Variants in NOTCH3 observed in about 807,000 individuals in gnomAD.
The protein encoded by NOTCH3 is notch receptor 3.
A neutral mutation model predicts 213.3 loss-of-function variants in NOTCH3; 86 were observed. The observed-to-expected ratio is 0.40, with a 90% CI of 0.34 to 0.48. NOTCH3 has a LOEUF of 0.48. NOTCH3 is among the 20% of genes least tolerant of loss of function. The pLI, the probability that NOTCH3 is intolerant of heterozygous loss-of-function variation, is 0.57. For missense variants in NOTCH3, 2,783 were observed against 3,272.6 expected (o/e 0.85, Z 3.65); for synonymous variants, 1,354 against 1,355.9 (o/e 1.00, Z 0.03).
intron 2 of NOTCH3, among the ~76,000 whole-genome samples, chr19:15,193,791 A>C (rs1191151212): frequency 2.1e-5 from 3 of 141,970 alleles, no homozygotes; most frequent in African/African-American, 7.7e-5. Flanking sequence ...AAAAAACAAA[A>C]AAAACAAACA....
intron 23 of NOTCH3, chr19:15,178,516 C>T: frequency 2.1e-6 from 1 of 471,784 alleles, no homozygotes; most frequent in Non-Finnish European, 3.9e-6. Flanking sequence ...TCCCGAGTAG[C>T]TGGGATTACA....
rs770689026 is a variant in NOTCH3, at chr19:15,187,039, T to C, written c.1841-51A>G. On this transcript the variant is annotated intron_variant, in intron 11 of 32. Coordinates refer to ENST00000263388, the MANE Select transcript of NOTCH3 (RefSeq NM_000435.3). ...GTGGCCACCACTGTGCCCCACTAGATGCACCATTCCCAAACCCTCTGTGCC... is the reference window on the plus strand; with the variant it reads ...GTGGCCACCACTGTGCCCCACTAGACGCACCATTCCCAAACCCTCTGTGCC... 8 of 1,606,770 alleles carry C rather than the reference T, an allele frequency of 5.0e-6. No homozygotes were observed. The African/African-American group carries it at 9.4e-5, about 19-fold the overall frequency.
At chr19:15,196,624 T>C (rs752697535) in intron 2 of NOTCH3, among the ~76,000 whole-genome samples, 2 of 152,182 alleles carry the variant, frequency 1.3e-5, no homozygotes, top group Non-Finnish European at 2.9e-5. Flanking sequence ...GAGCCAAGCA[T>C]TTCCTCATAA....
chr19:15,168,129 C>T (rs2046701313), intron 28 of NOTCH3, among the ~76,000 whole-genome samples: 1 of 152,064 alleles, frequency 6.6e-6, no homozygotes, highest in South Asian at 2.1e-4. Flanking sequence ...GGTTCAAGTT[C>T]CAACCCCACC....
rs1363008174 is a variant in NOTCH3, at chr19:15,181,088, C to T, written c.2867G>A (p.Gly956Glu). The change falls in exon 18 of 33, where the codon GGA (glycine) becomes GAA (glutamate). Residue 956 changes from glycine (G) to glutamate (E), a missense_variant. Transcript: ENST00000263388. Reference sequence around the variant, plus strand: ...GTCTGCCTCATGTTGGCAGTGGGCTCCTGTGTAGCCGGGACGGCACAGGCA... The same window carrying T: ...GTCTGCCTCATGTTGGCAGTGGGCTTCTGTGTAGCCGGGACGGCACAGGCA... The part of the protein sequence containing the change: ...FSCLCRPGYT[G>E]AHCQHEADPC... 6.2e-7 allele frequency: 1 copy of T among 1,609,560 alleles called. No homozygotes were observed. Among genetic ancestry groups the T allele is most frequent in the Non-Finnish European group, 8.5e-7 (1 of 1,178,638 alleles).
intron 25 of NOTCH3, among the ~76,000 whole-genome samples, 174 bp from the exon 26 acceptor site, chr19:15,170,999 G>A (rs561266014): frequency 2.4e-4 from 37 of 152,206 alleles, no homozygotes; most frequent in African/African-American, 7.2e-4. Context: ...CCCCTAAAAC[G>A]TGTCTTGCTG....
intron 32 of NOTCH3, chr19:15,162,208 C>T (rs934722015): frequency 9.9e-6 from 5 of 502,548 alleles, no homozygotes; most frequent in Non-Finnish European, 1.8e-5. Flanking sequence ...TCTCAAACTC[C>T]TGAACTCAAG....
intron 2 of NOTCH3, among the ~76,000 whole-genome samples, chr19:15,196,646 T>G (rs950471880): frequency 1.3e-5 from 2 of 152,174 alleles, no homozygotes; most frequent in Non-Finnish European, 2.9e-5. Flanking sequence ...CTTGAGAGAC[T>G]TCTCCTTAGA....
At chr19:15,177,424 G>A (rs1053918682) in intron 24 of NOTCH3, 101 bp downstream of exon 24, 6 of 1,074,132 alleles carry the variant, frequency 5.6e-6, no homozygotes, top group African/African-American at 4.7e-5. Flanking sequence ...AGAAACAGAC[G>A]GGGCAAGTGG....
chr19:15,168,156 G>T (rs770047996), intron 28 of NOTCH3, among the ~76,000 whole-genome samples: 1 of 152,096 alleles, frequency 6.6e-6, no homozygotes, highest in Non-Finnish European at 1.5e-5. Flanking sequence ...TAGCTGGAAG[G>T]CTCTGGGCAA....
rs2145402199 is a variant in NOTCH3, at chr19:15,170,809, C to G, written c.4753G>C (p.Glu1585Gln). The change falls in exon 26 of 33, where the codon GAG becomes CAG. Residue 1585 changes from glutamate to glutamine, a missense_variant. By Grantham distance (29) the Glu-to-Gln change is conservative (BLOSUM62 2). Around this residue, in one of 6 missense-constraint regions of NOTCH3, gnomAD observed 636 missense variants for 801.8 expected, o/e 0.79. Transcript: ENST00000263388. Reference protein sequence around the residue: ...PEVIGSVVMLEIDNRLCLQSP... With the variant: ...PEVIGSVVMLQIDNRLCLQSP... ...TGCAGGCAGAGCCGGTTGTCAATCT[C>G]CAGCATTACTACCGAGCTGCAGGGA... 1 of 1,613,544 alleles carries G rather than the reference C, an allele frequency of 6.2e-7. No homozygotes were observed. Among genetic ancestry groups the G allele is most frequent in the Non-Finnish European group, 8.5e-7 (1 of 1,179,964 alleles).
At chr19:15,163,981 T>C (rs944697280) in intron 31 of NOTCH3, among the ~76,000 whole-genome samples, 3 of 152,170 alleles carry the variant, frequency 2.0e-5, no homozygotes, top group Non-Finnish European at 4.4e-5. Context: ...TACATTTATA[T>C]GAAATGTCCA....
rs2145402110 is a variant in NOTCH3, at chr19:15,170,797, G to C, written c.4765C>G (p.Arg1589Gly). The C allele has an allele frequency of 6.2e-7, 1 of 1,613,488 alleles. No individual in the cohort carries two copies. ...TTCTCAGGCGACTGCAGGCAGAGCC[G>C]GTTGTCAATCTCCAGCATTACTACC... ...GSVVMLEIDN[R>G]LCLQSPENDH... is the part of the protein sequence containing the mutation. The change falls in exon 26 of 33, where the codon CGG (arginine) becomes GGG (glycine). Residue 1589 changes from arginine (R) to glycine (G), a missense_variant. Around this residue, in one of 6 missense-constraint regions of NOTCH3, gnomAD observed 636 missense variants for 801.8 expected, o/e 0.79. Coordinates refer to ENST00000263388, the MANE Select transcript of NOTCH3 (RefSeq NM_000435.3).
chr19:15,195,062 G>A (rs1307049065), intron 2 of NOTCH3, among the ~76,000 whole-genome samples: 1 of 151,778 alleles, frequency 6.6e-6, no homozygotes, highest in Non-Finnish European at 1.5e-5. Flanking sequence ...TACACACACA[G>A]AGGGACACAC....
At position 15,166,079 on chromosome 19, in the gene NOTCH3, G is replaced by A. The variant is rs1250718112; in HGVS notation, c.5375C>T (p.Pro1792Leu). ...CCCACAGAAGGAAGCCAGCATTAGCGGGGTGAAGCCATCTGCAGGGACAGG... is the reference window on the plus strand; with the variant it reads ...CCCACAGAAGGAAGCCAGCATTAGCAGGGTGAAGCCATCTGCAGGGACAGG... ...VNVRGPDGFT[P>L]LMLASFCGGA... The change falls in exon 30 of 33, where the codon CCG becomes CTG. Residue 1792 changes from proline (P) to leucine (L), a missense_variant. This residue lies in a region of NOTCH3 where 636 missense variants were observed against 801.8 expected (regional missense o/e 0.79). Coordinates refer to ENST00000263388, the MANE Select transcript of NOTCH3 (RefSeq NM_000435.3). 6 of 1,614,110 alleles carry A rather than the reference G, an allele frequency of 3.7e-6. No individual in the cohort carries two copies. The highest frequency in any genetic ancestry group is 5.1e-6 in the Non-Finnish European group (6 of 1,179,970).
intron 29 of NOTCH3, among the ~76,000 whole-genome samples, chr19:15,166,436 T>A (rs1030100503): frequency 9.9e-5 from 15 of 152,122 alleles, no homozygotes; most frequent in African/African-American, 3.6e-4. Context: ...AAAGAAACCA[T>A]CCCCTTCATA....
chr19:15,190,998 G>A (rs2046922212), intron 6 of NOTCH3, among the ~76,000 whole-genome samples: 1 of 152,018 alleles, frequency 6.6e-6, no homozygotes, highest in African/African-American at 2.4e-5. Context: ...TGGGATTACA[G>A]GCATGAGCCA....
chr19:15,178,082 C>T lies in NOTCH3; in HGVS notation c.3846G>A (p.Trp1282Ter). ...GCGCCACCCGCTCGCAACGCGGACC[C>T]CAGAACGGCTGGGGGTCGGGTTTGG... is the stretch of plus-strand genomic sequence containing the variant. ...TFTCHCAQPF[W>*]GPRCERVARS... The change falls in exon 24 of 33, where the codon TGG becomes TGA. Residue 1282 changes from tryptophan (W) to a stop codon, truncating the protein, a stop_gained. Coordinates refer to ENST00000263388, the MANE Select transcript of NOTCH3 (RefSeq NM_000435.3). LOFTEE classifies it high-confidence loss of function. The T allele has an allele frequency of 6.6e-7, 1 of 1,519,978 alleles. No homozygotes were observed. Among genetic ancestry groups the T allele is most frequent in the Non-Finnish European group, 8.8e-7 (1 of 1,139,286 alleles). 94.2% of individuals were successfully genotyped at this position (1,519,978 alleles called of 1,614,324 possible).
intron 32 of NOTCH3, 29 bp downstream of exon 32, chr19:15,162,436 C>A (rs1349258975): frequency 1.3e-6 from 2 of 1,528,824 alleles, no homozygotes; most frequent in African/African-American, 2.7e-5. Flanking sequence ...CCACTGCTGA[C>A]ACCCAGTGGA....
Sources: allele counts gnomAD v4.1 joint callset (sites outside exome capture counted in the v4.1 genomes callset), GRCh38; gene constraint gnomAD v4.1.1; regional missense constraint gnomAD v4.1.1; transcripts MANE v1.5; gene names NCBI Gene and HGNC (gene_info 2026-07-23, HGNC 2026-07-21).